Variants in USP28 observed in about 807,000 individuals in gnomAD.
The protein encoded by USP28 is ubiquitin carboxyl-terminal hydrolase 28.
Under a neutral mutation model 145.0 loss-of-function variants are expected in USP28, and 113 were observed. The ratio of observed to expected loss-of-function variants is 0.78; its 90% CI spans 0.67 to 0.91. The LOEUF is 0.91. Ranked by LOEUF, USP28 falls within the 40% of genes least tolerant of loss-of-function variation. The pLI is 0.00. For missense variants in USP28, 1,201 were observed against 1,289.6 expected (o/e 0.93, Z 1.05); for synonymous variants, 447 against 450.9 (o/e 0.99, Z 0.11).
At chr11:113,872,835 T>A (rs1210356015) in intron 1 of USP28, among the ~76,000 whole-genome samples, 4 of 152,266 alleles carry the variant, frequency 2.6e-5, no homozygotes, top group Non-Finnish European at 5.9e-5. Flanking sequence ...TCTGTCACTA[T>A]GTAACCTCTT....
At chr11:113,828,068 A>G (rs999719324) in intron 10 of USP28, among the ~76,000 whole-genome samples, 2 of 152,222 alleles carry the variant, frequency 1.3e-5, no homozygotes, top group Non-Finnish European at 2.9e-5. Flanking sequence ...GGAAAAGCTA[A>G]ATCAGATTTG....
Position 113,831,905 on chromosome 11 carries a change from AC to A in USP28, c.833+14del. 1.2e-6 allele frequency: 2 copies of A among 1,610,036 alleles called. No homozygotes were observed. On this transcript the variant is annotated intron_variant, in intron 8 of 24. Transcript: ENST00000003302. ...GTGAGTCGGAAGGATGTACAAACAA[AC>A]CCTCAACACTCACTTAACATTAACA...
At chr11:113,816,906 T>C (rs1941826048) in intron 13 of USP28, among the ~76,000 whole-genome samples, 1 of 152,188 alleles carries the variant, frequency 6.6e-6, no homozygotes, top group Non-Finnish European at 1.5e-5. Flanking sequence ...ATTCTTGACA[T>C]TTGGTATGTT....
intron 11 of USP28, among the ~76,000 whole-genome samples, chr11:113,826,207 C>T (rs1471178417): frequency 3.4e-5 from 5 of 145,222 alleles, no homozygotes; most frequent in East Asian, 2.1e-4. Context: ...CGCTTGAACC[C>T]GGGAAGCAGA....
chr11:113,849,324 G>A (rs571709392), intron 3 of USP28, among the ~76,000 whole-genome samples: 227 of 152,334 alleles, frequency 1.5e-3, no homozygotes, highest in African/African-American at 5.3e-3. Flanking sequence ...GCAGATGGCA[G>A]TTCCAAGGTG....
chr11:113,868,363 C>A (rs1016509747), intron 1 of USP28, among the ~76,000 whole-genome samples: 1 of 152,140 alleles, frequency 6.6e-6, no homozygotes, highest in Admixed American at 6.5e-5. Flanking sequence ...CTACTTCCTG[C>A]TCATACTAAA....
chr11:113,849,576 A>G (rs1362759016), intron 3 of USP28, among the ~76,000 whole-genome samples: 1 of 152,134 alleles, frequency 6.6e-6, no homozygotes, highest in Non-Finnish European at 1.5e-5. Flanking sequence ...GCATGGCCCT[A>G]TGGAAATTTG....
intron 16 of USP28, among the ~76,000 whole-genome samples, chr11:113,810,034 CAAA>C (rs368686301): frequency 4.3e-5 from 3 of 68,976 alleles, no homozygotes; most frequent in Non-Finnish European, 5.5e-5. Context: ...GACTCCATCT[CAAA>C]AAAAAAAAAA....
At chr11:113,814,583 G>T (rs1320730575) in intron 14 of USP28, among the ~76,000 whole-genome samples, 1 of 151,908 alleles carries the variant, frequency 6.6e-6, no homozygotes, top group Non-Finnish European at 1.5e-5. Flanking sequence ...CTGGAGTTCA[G>T]ATAATCTACC....
At position 113,814,550 on chromosome 11, in the gene USP28, T is replaced by G. The variant is rs4348938; in HGVS notation, c.1673-595A>C. Among the ~76,000 whole-genome samples the G allele has an allele frequency of 5.9e-5, 9 of 152,200 alleles. No individual in the cohort carries two copies. In the East Asian group the frequency reaches 1.7e-3, roughly 29 times the overall value. ...AGAGTAGAAGTCCAGAAAAGCTAAATGCTAAATCTGGGTCAACTTAAGCTG... is the reference window on the plus strand; with the variant it reads ...AGAGTAGAAGTCCAGAAAAGCTAAAGGCTAAATCTGGGTCAACTTAAGCTG... On this transcript the variant is annotated intron_variant, in intron 14 of 24. Coordinates refer to ENST00000003302, the Ensembl canonical transcript of USP28.
At chr11:113,856,699 T>TTTTA (rs1287756286) in intron 1 of USP28, among the ~76,000 whole-genome samples, 1 of 152,068 alleles carries the variant, frequency 6.6e-6, no homozygotes, top group African/African-American at 2.4e-5. Context: ...TTCTTGTATG[T>TTTTA]TTTATTTATT....
At chr11:113,863,133 C>A (rs1316538437) in intron 1 of USP28, among the ~76,000 whole-genome samples, 1 of 151,984 alleles carries the variant, frequency 6.6e-6, no homozygotes, top group Non-Finnish European at 1.5e-5. Flanking sequence ...CCTATATATA[C>A]AAAATCCCAA....
chr11:113,835,838 T>C (rs1944506281), intron 5 of USP28, among the ~76,000 whole-genome samples: 1 of 152,246 alleles, frequency 6.6e-6, no homozygotes, highest in African/African-American at 2.4e-5. Flanking sequence ...CCCAGCACTT[T>C]GGGAGGCTGA....
chr11:113,808,027 G>T, intron 18 of USP28: 1 of 1,257,362 alleles, frequency 8.0e-7, no homozygotes, highest in Non-Finnish European at 1.0e-6. Flanking sequence ...AGAGACCTCA[G>T]AATTAGGCTG....
At chr11:113,832,831 T>C (rs1165609100) in intron 7 of USP28, among the ~76,000 whole-genome samples, 3 of 152,106 alleles carry the variant, frequency 2.0e-5, no homozygotes, top group Non-Finnish European at 4.4e-5. Flanking sequence ...AGTACAGTAG[T>C]GCAATCACAG....
intron 4 of USP28, 133 bp from the exon 5 acceptor site, chr11:113,840,890 T>C (rs1189631506): frequency 7.9e-6 from 9 of 1,135,422 alleles, no homozygotes; most frequent in African/African-American, 1.6e-5. Context: ...TCCCTAGCTA[T>C]ATAAGGAACT....
intron 1 of USP28, 89 bp downstream of exon 1, chr11:113,875,356 G>T: frequency 6.5e-6 from 7 of 1,078,688 alleles, no homozygotes; most frequent in Non-Finnish European, 6.8e-6. Context: ...GCCCTCCGCA[G>T]CCCGCAACCC....
chr11:113,854,896 T>G (rs4141182), intron 1 of USP28, among the ~76,000 whole-genome samples: 7 of 152,252 alleles, frequency 4.6e-5, no homozygotes, highest in African/African-American at 1.7e-4. Context: ...CTAGCCTTAA[T>G]GGACACTTAA....
intron 3 of USP28, among the ~76,000 whole-genome samples, chr11:113,845,301 T>C (rs930035209): frequency 1.3e-5 from 2 of 151,704 alleles, no homozygotes; most frequent in African/African-American, 4.8e-5. Flanking sequence ...TAGCTAGGCG[T>C]GGTGGGACAT....
Sources: gnomAD v4.1 joint callset for allele counts (sites outside exome capture counted in the v4.1 genomes callset) on GRCh38, gnomAD v4.1.1 for gene constraint, MANE v1.5 for transcripts, NCBI Gene and HGNC (gene_info 2026-07-23, HGNC 2026-07-21) for gene names.